The following RPS6KA6 variants were observed in gnomAD, a reference collection of about 807,000 sequenced individuals.
RPS6KA6 encodes ribosomal protein S6 kinase A6, also known as ribosomal protein S6 kinase alpha-6.
Under a neutral mutation model 65.4 loss-of-function variants are expected in RPS6KA6, and 27 were observed. The ratio of observed to expected loss-of-function variants is 0.41; its 90% CI spans 0.30 to 0.57. The LOEUF (loss-of-function observed/expected upper bound fraction) is 0.57, where lower values mean the gene tolerates loss of function less well. Among genes scored for constraint, RPS6KA6 ranks in the 20% least tolerant of loss-of-function variants. The pLI is 0.24. For synonymous variants in RPS6KA6, 190 were observed against 184.2 expected (o/e 1.03, Z -0.26); for missense variants, 486 against 555.6 (o/e 0.87, Z 1.26).
intron 20 of RPS6KA6, among the ~76,000 whole-genome samples, chrX:84,068,331 G>A (rs759301533): frequency 1.8e-5 from 2 of 111,993 alleles, no homozygotes; most frequent in South Asian, 3.7e-4. Context: ...CAAAAACCAC[G>A]ATTATCTCAA....
intron 12 of RPS6KA6, among the ~76,000 whole-genome samples, chrX:84,111,600 T>C (rs1251295632): frequency 1.8e-5 from 2 of 111,299 alleles, no homozygotes; most frequent in Non-Finnish European, 3.8e-5. Flanking sequence ...CTTCATAAAA[T>C]GAAGAAGACA....
chrX:84,150,487 A>G (rs988301355), intron 3 of RPS6KA6, among the ~76,000 whole-genome samples: 2 of 110,213 alleles, frequency 1.8e-5, no homozygotes, highest in Non-Finnish European at 3.8e-5. Flanking sequence ...TCCCTTGAAC[A>G]CTCCAAGGCC....
At chrX:84,136,455 T>C (rs1409511626) in intron 6 of RPS6KA6, among the ~76,000 whole-genome samples, 2 of 111,281 alleles carry the variant, frequency 1.8e-5, no homozygotes, top group Non-Finnish European at 3.8e-5. Context: ...AGATTGTTTA[T>C]TATCTAAGTT....
intron 5 of RPS6KA6, among the ~76,000 whole-genome samples, chrX:84,146,120 C>T (rs998771515): frequency 9.0e-6 from 1 of 111,328 alleles, no homozygotes; most frequent in African/African-American, 3.3e-5. Flanking sequence ...ACTTCTATAG[C>T]CCACTGAATT....
intron 19 of RPS6KA6, among the ~76,000 whole-genome samples, chrX:84,097,121 A>G (rs1283497763): frequency 9.0e-6 from 1 of 111,254 alleles, no homozygotes; most frequent in Non-Finnish European, 1.9e-5. Flanking sequence ...CATTATAATT[A>G]CTTGCTAAAC....
rs768488637 is a variant in RPS6KA6 at position 84,102,056 on chromosome X, G to A, written c.1757C>T (p.Ala586Val). The change falls in exon 18 of 22, where the codon GCA (alanine) becomes GTA (valine). Residue 586 changes from alanine to valine, a missense_variant. This residue lies in a region of RPS6KA6 where 345 missense variants were observed against 375.0 expected (regional missense o/e 0.92). Coordinates refer to ENST00000262752, the MANE Select transcript of RPS6KA6 (RefSeq NM_014496.5). ...NGLLLTPCYT[A>V]NFVAPEVLMQ... ...GAATACCTCAGGTGCAACAAAGTTTGCAGTGTAGCATGGAGTTAAGAGAAG... is the reference window on the plus strand; with the variant it reads ...GAATACCTCAGGTGCAACAAAGTTTACAGTGTAGCATGGAGTTAAGAGAAG... 14 of 1,184,084 alleles carry A rather than the reference G, an allele frequency of 1.2e-5. No individual in the cohort carries two copies. Among genetic ancestry groups the A allele is most frequent in the East Asian group, 3.0e-5 (1 of 32,846 alleles).
At chrX:84,094,311 A>G (rs1275972475) in intron 20 of RPS6KA6, among the ~76,000 whole-genome samples, 14 of 1,760 alleles carry the variant, frequency 8.0e-3, no homozygotes, top group Non-Finnish European at 0.023. Context: ...TTAAAGGGAA[A>G]AAAAAAAAAA....
rs1263060274 is a variant in RPS6KA6 at position 84,164,359 on chromosome X, G to A, written c.110C>T (p.Pro37Leu). ...EVNGLKMVDE[P>L]MEEGEADSCH... is the part of the protein sequence containing the mutation. ...AGAATCTGCTTCTCCCTCTTCCATT[G>A]GCTCATCAACCATTTTAAGACCATT... The change falls in exon 2 of 22, where the codon CCA becomes CTA. Residue 37 changes from proline to leucine, a missense_variant. This residue lies in a region of RPS6KA6 where 106 missense variants were observed against 105.0 expected (regional missense o/e 1.01). Transcript: ENST00000262752. 6 of 1,196,618 alleles carry A rather than the reference G, an allele frequency of 5.0e-6. No homozygotes were observed. The highest frequency in any genetic ancestry group is 2.2e-5 in the Admixed American group (1 of 45,397).
intron 20 of RPS6KA6, among the ~76,000 whole-genome samples, chrX:84,072,272 T>C (rs1469834624): frequency 8.9e-6 from 1 of 111,897 alleles, no homozygotes; most frequent in Non-Finnish European, 1.9e-5. Context: ...TAACACATAA[T>C]ACATCACATC....
chrX:84,104,781 C>T (rs2034324604), intron 16 of RPS6KA6, 124 bp from the exon 17 acceptor site: 2 of 431,520 alleles, frequency 4.6e-6, no homozygotes, highest in East Asian at 4.4e-5. Context: ...ACAAAAAAGA[C>T]ATTATTCCTT....
At chrX:84,172,017 C>T (rs1355746293) in intron 1 of RPS6KA6, among the ~76,000 whole-genome samples, 2 of 111,604 alleles carry the variant, frequency 1.8e-5, no homozygotes, top group Non-Finnish European at 3.8e-5. Flanking sequence ...TGAACTCATT[C>T]TTTTTATGGC....
rs752038400 is a variant in RPS6KA6, at chrX:84,102,196, A to C, written c.1617T>G (p.Val539=). Reference sequence around the variant, plus strand: ...TACTAGGTTTAAGATCACGATGAACAACCTTGAATATAAAGGAAAAAAGCA... The same window carrying C: ...TACTAGGTTTAAGATCACGATGAACCACCTTGAATATAAAGGAAAAAAGCA... ...KTVDYLHCQG[V]VHRDLKPSNI... The change falls in exon 18 of 22, where the codon GTT becomes GTG. Residue 539 remains valine, a splice_region_variant and synonymous_variant. Transcript: ENST00000262752. 11 of 1,058,279 alleles carry C rather than the reference A, an allele frequency of 1.0e-5. No homozygotes were observed. The South Asian group carries it at 2.3e-4, about 22-fold the overall frequency. 87.2% of individuals were successfully genotyped at this position (1,058,279 alleles called of 1,213,427 possible).
chrX:84,106,854 C>A, intron 14 of RPS6KA6, 56 bp downstream of exon 14: 1 of 939,319 alleles, frequency 1.1e-6, no homozygotes, highest in Non-Finnish European at 1.5e-6. Context: ...AATACATCAG[C>A]AATAACAGAG....
At chrX:84,116,314 T>C in intron 11 of RPS6KA6, 27 bp from the exon 12 acceptor site, 1 of 933,810 alleles carries the variant, frequency 1.1e-6, no homozygotes. Flanking sequence ...TGATATTTTA[T>C]TTTTATGATT....
intron 12 of RPS6KA6, among the ~76,000 whole-genome samples, chrX:84,114,524 A>C (rs759586814): frequency 3.6e-5 from 4 of 110,943 alleles, no homozygotes; most frequent in South Asian, 7.6e-4. Context: ...ACAAAAAAAA[A>C]CATACTGACC....
At chrX:84,146,838 C>T in intron 5 of RPS6KA6, 140 bp downstream of exon 5, 1 of 339,264 alleles carries the variant, frequency 2.9e-6, no homozygotes. Context: ...CAGACAAATA[C>T]ATTTTACGTA....
chrX:84,064,817 C>G (rs1360666520), intron 21 of RPS6KA6, among the ~76,000 whole-genome samples, 154 bp downstream of exon 21: 8 of 111,157 alleles, frequency 7.2e-5, no homozygotes, highest in African/African-American at 2.0e-4. Context: ...GTAAAGTAAG[C>G]TAAGAAAAGT....
At chrX:84,120,155 G>T in intron 8 of RPS6KA6, 128 bp from the exon 9 acceptor site, 1 of 388,717 alleles carries the variant, frequency 2.6e-6, no homozygotes, top group Non-Finnish European at 4.2e-6. Context: ...TCTTAAGAAA[G>T]TTCCTGTGAG....
chrX:84,167,049 C>A (rs929952661), intron 1 of RPS6KA6, among the ~76,000 whole-genome samples: 8 of 110,199 alleles, frequency 7.3e-5, no homozygotes, highest in African/African-American at 2.6e-4. Flanking sequence ...GAAATCCACC[C>A]CAAGACACAT....
Sources: allele counts gnomAD v4.1 joint callset (sites outside exome capture counted in the v4.1 genomes callset), GRCh38; gene constraint gnomAD v4.1.1; regional missense constraint gnomAD v4.1.1; transcripts MANE v1.5; gene names NCBI Gene and HGNC (gene_info 2026-07-23, HGNC 2026-07-21).